The following LIN7A variants were observed in gnomAD, a reference collection of about 807,000 sequenced individuals.
LIN7A encodes the protein lin-7 cell polarity scaffold A.
A neutral mutation model predicts 29.8 loss-of-function variants in LIN7A; 25 were observed. That is an observed-to-expected ratio of 0.84 (90% CI 0.61 to 1.17). The LOEUF is 1.17. Among genes scored for constraint, LIN7A ranks in the 50% most tolerant of loss-of-function variants. LIN7A has a pLI of 0.00. For synonymous variants in LIN7A, 118 were observed against 107.5 expected (o/e 1.10, Z -0.60); for missense variants, 239 against 287.0 (o/e 0.83, Z 1.21).
chr12:80,913,097 C>T (rs1469591458), intron 1 of LIN7A, among the ~76,000 whole-genome samples: 3 of 152,172 alleles, frequency 2.0e-5, no homozygotes, highest in African/African-American at 7.2e-5. Flanking sequence ...GGAAAGCTGG[C>T]TGACTTAATT....
Position 80,904,329 on chromosome 12 carries a change from C to T in LIN7A, c.83-14960G>A, listed in dbSNP as rs185504448. ...ATGGTGAGAACACTTAAAATCTACT[C>T]TCCTAGTGATTTTCAAGAACACTAT... On this transcript the variant is annotated intron_variant, in intron 1 of 5. Coordinates refer to ENST00000552864, the MANE Select transcript of LIN7A (RefSeq NM_004664.4). 8.5e-5 allele frequency among the ~76,000 whole-genome samples: 13 copies of T among 152,246 alleles called. No homozygotes were observed. In the East Asian group the frequency reaches 2.1e-3, roughly 25 times the overall value.
chr12:80,921,716 T>C (rs890615561), intron 1 of LIN7A, among the ~76,000 whole-genome samples: 12 of 152,110 alleles, frequency 7.9e-5, no homozygotes, highest in Non-Finnish European at 1.5e-4. Context: ...CATATGCATT[T>C]TGGGGGGACA....
At chr12:80,814,476 G>C (rs952756060) in intron 4 of LIN7A, among the ~76,000 whole-genome samples, 1 of 152,094 alleles carries the variant, frequency 6.6e-6, no homozygotes, top group African/African-American at 2.4e-5. Flanking sequence ...CTTCTTCGTG[G>C]CTTTTGTTCT....
chr12:80,805,156 C>T, intron 5 of LIN7A, among the ~76,000 whole-genome samples: 1 of 152,200 alleles, frequency 6.6e-6, no homozygotes. Flanking sequence ...GAGTTCTTGG[C>T]ACACACTAAT....
At chr12:80,929,633 A>G (rs572455506) in intron 1 of LIN7A, among the ~76,000 whole-genome samples, 3 of 152,266 alleles carry the variant, frequency 2.0e-5, no homozygotes, top group African/African-American at 7.2e-5. Context: ...AACTTCTGCA[A>G]TGTCTACTCT....
intron 2 of LIN7A, among the ~76,000 whole-genome samples, chr12:80,857,647 T>G (rs1873669336): frequency 6.6e-6 from 1 of 152,188 alleles, no homozygotes; most frequent in Admixed American, 6.6e-5. Flanking sequence ...TCATAATTTA[T>G]GACCAATCTC....
At chr12:80,887,434 T>C (rs1482909222) in intron 2 of LIN7A, among the ~76,000 whole-genome samples, 1 of 152,166 alleles carries the variant, frequency 6.6e-6, no homozygotes, top group Admixed American at 6.5e-5. Flanking sequence ...AATCCAATGT[T>C]CTTACTACAT....
chr12:80,906,219 G>A (rs994340396), intron 1 of LIN7A, among the ~76,000 whole-genome samples: 1 of 152,124 alleles, frequency 6.6e-6, no homozygotes, highest in Admixed American at 6.6e-5. Flanking sequence ...TTGTCACTGG[G>A]TGTGACAGTA....
At chr12:80,836,560 G>GT (rs200479435) in intron 4 of LIN7A, among the ~76,000 whole-genome samples, 2,360 of 150,192 alleles carry the variant, frequency 0.016, 38 homozygotes, top group Non-Finnish European at 0.022. Flanking sequence ...GGAGGCTGAG[G>GT]TGGGAGGATT....
chr12:80,930,874 T>C (rs1325756085), intron 1 of LIN7A, among the ~76,000 whole-genome samples: 2 of 152,250 alleles, frequency 1.3e-5, no homozygotes, highest in East Asian at 3.8e-4. Flanking sequence ...AGCTAAGTCT[T>C]GCTAAGCCAA....
At chr12:80,825,339 T>C (rs1276450570) in intron 4 of LIN7A, among the ~76,000 whole-genome samples, 1 of 152,236 alleles carries the variant, frequency 6.6e-6, no homozygotes, top group Non-Finnish European at 1.5e-5. Context: ...CATTATCTCC[T>C]TCTGCCACTG....
intron 1 of LIN7A, among the ~76,000 whole-genome samples, chr12:80,909,004 G>C (rs1250352970): frequency 1.3e-5 from 2 of 151,726 alleles, no homozygotes; most frequent in Non-Finnish European, 2.9e-5. Context: ...TTTCTATTAT[G>C]ATACGTGCTT....
At chr12:80,807,190 G>T (rs1229731945) in intron 5 of LIN7A, among the ~76,000 whole-genome samples, 3 of 148,694 alleles carry the variant, frequency 2.0e-5, no homozygotes, top group Non-Finnish European at 3.0e-5. Flanking sequence ...TCCTGCCTCA[G>T]CCTCCTGAGT....
At chr12:80,808,297 C>T (rs1419719859) in intron 5 of LIN7A, among the ~76,000 whole-genome samples, 1 of 152,128 alleles carries the variant, frequency 6.6e-6, no homozygotes, top group Non-Finnish European at 1.5e-5. Flanking sequence ...TTTAAACCCC[C>T]TATTTTTACT....
At chr12:80,923,641 C>T (rs1877430895) in intron 1 of LIN7A, among the ~76,000 whole-genome samples, 1 of 152,128 alleles carries the variant, frequency 6.6e-6, no homozygotes, top group Non-Finnish European at 1.5e-5. Context: ...ACAACATACT[C>T]TCCTGGTGTG....
intron 4 of LIN7A, among the ~76,000 whole-genome samples, chr12:80,829,178 A>G (rs1872225538): frequency 6.6e-6 from 1 of 152,144 alleles, no homozygotes; most frequent in South Asian, 2.1e-4. Flanking sequence ...CCCAAAACAA[A>G]AGCAAAAATC....
intron 2 of LIN7A, among the ~76,000 whole-genome samples, chr12:80,888,303 T>C (rs780936619): frequency 3.9e-5 from 6 of 152,152 alleles, no homozygotes; most frequent in Non-Finnish European, 8.8e-5. Flanking sequence ...AGTGAGAAGT[T>C]TTGTATGTCT....
intron 5 of LIN7A, among the ~76,000 whole-genome samples, chr12:80,807,065 T>TTTTTTTTGTTTTTTG (rs1285781054): frequency 2.1e-5 from 1 of 46,638 alleles, no homozygotes; most frequent in Non-Finnish European, 4.2e-5. Context: ...AAGATGGAGT[T>TTTTTTTTGTTTTTTG]TTTTTTTTTT....
chr12:80,882,422 C>T (rs1228535756), intron 2 of LIN7A, among the ~76,000 whole-genome samples: 1 of 145,730 alleles, frequency 6.9e-6, no homozygotes, highest in East Asian at 2.0e-4. Context: ...GTAGCTGGGA[C>T]TACAGGCGCC....
Sources: gnomAD v4.1 joint callset for allele counts (sites outside exome capture counted in the v4.1 genomes callset) on GRCh38, gnomAD v4.1.1 for gene constraint, MANE v1.5 for transcripts, NCBI Gene and HGNC (gene_info 2026-07-23, HGNC 2026-07-21) for gene names.